The following DENND2B variants were observed in gnomAD, a reference collection of about 807,000 sequenced individuals.
DENND2B encodes DENN domain containing 2B.
A neutral mutation model predicts 116.0 loss-of-function variants in DENND2B; 32 were observed. The ratio of observed to expected loss-of-function variants is 0.28; its 90% CI spans 0.21 to 0.37. The LOEUF (loss-of-function observed/expected upper bound fraction) is 0.37. Among genes scored for constraint, DENND2B ranks in the 10% least tolerant of loss-of-function variants. The probability of loss-of-function intolerance (pLI) is 1.00; values close to 1 mark genes in which losing one functional copy is unlikely to be tolerated. For synonymous variants in DENND2B, 588 were observed against 583.9 expected, an observed-to-expected ratio of 1.01 and a Z score of -0.10; for missense variants, 1,276 against 1,477.7, an observed-to-expected ratio of 0.86 and a Z score of 2.24.
intron 2 of DENND2B, among the ~76,000 whole-genome samples, chr11:8,742,957 G>C (rs1164296645): frequency 3.3e-5 from 5 of 152,178 alleles, no homozygotes; most frequent in Non-Finnish European, 7.3e-5. Flanking sequence ...CCAGCTACTT[G>C]GGAGGCTGAG....
intron 2 of DENND2B, among the ~76,000 whole-genome samples, chr11:8,747,412 G>A (rs1371876272): frequency 6.6e-6 from 1 of 152,214 alleles, no homozygotes; most frequent in East Asian, 1.9e-4. Context: ...TACTGCAAAA[G>A]TGAAATCTCC....
chr11:8,899,155 A>C (rs180779402), intron 1 of DENND2B, among the ~76,000 whole-genome samples: 3,520 of 152,208 alleles, frequency 0.023, 48 homozygotes, highest in Middle Eastern at 0.034. Flanking sequence ...TAGAGATTAT[A>C]CAATTTGAAG....
At chr11:8,786,007 T>C (rs767750051) in intron 1 of DENND2B, among the ~76,000 whole-genome samples, 2 of 152,216 alleles carry the variant, frequency 1.3e-5, no homozygotes, top group Non-Finnish European at 2.9e-5. Context: ...ATTACAGAAC[T>C]CGGGGTCTTG....
intron 1 of DENND2B, chr11:8,809,264 A>G (rs1185300108): frequency 2.0e-5 from 3 of 152,260 alleles, no homozygotes; most frequent in Admixed American, 2.0e-4. Flanking sequence ...GGACATGGCC[A>G]GTGCTTGCAT....
chr11:8,879,879 A>G (rs978646963), intron 2 of DENND2B, among the ~76,000 whole-genome samples: 9 of 152,228 alleles, frequency 5.9e-5, no homozygotes, highest in Non-Finnish European at 1.2e-4. Flanking sequence ...GAATTCAAAT[A>G]AGCATTCTAA....
intron 1 of DENND2B, among the ~76,000 whole-genome samples, chr11:8,894,444 C>T (rs1169941258): frequency 6.6e-6 from 1 of 151,904 alleles, no homozygotes; most frequent in East Asian, 1.9e-4. Flanking sequence ...AAGAAACTAC[C>T]ATCAGAGTGA....
chr11:8,791,785 T>G (rs940892465), intron 1 of DENND2B, among the ~76,000 whole-genome samples: 15 of 151,696 alleles, frequency 9.9e-5, no homozygotes, highest in African/African-American at 3.4e-4. Context: ...AAGGAATATT[T>G]CTTTAATGTC....
chr11:8,844,478 A>G (rs1463918707), intron 3 of DENND2B, among the ~76,000 whole-genome samples: 1 of 152,196 alleles, frequency 6.6e-6, no homozygotes, highest in South Asian at 2.1e-4. Flanking sequence ...AAATGAATCT[A>G]AATGATCCAA....
At position 8,714,025 on chromosome 11, in the gene DENND2B, C is replaced by T; in HGVS notation, c.1960G>A (p.Glu654Lys). The T allele has an allele frequency of 6.2e-7, 1 of 1,614,062 alleles. No homozygotes were observed. The change falls in exon 8 of 20, where the codon GAG (glutamate) becomes AAG (lysine). Residue 654 changes from glutamate (E) to lysine (K), a missense_variant. By Grantham distance (56) the Glu-to-Lys change is moderately conservative. Transcript: ENST00000313726. ...ASLRDENSESESDSDDRFKAH... is the reference protein window; with the variant it reads ...ASLRDENSESKSDSDDRFKAH... ...TTGAACCTGTCATCAGAGTCGCTCTCGCTCTCACTGTTTTCATCTGGAAAA... is the reference window on the plus strand; with the variant it reads ...TTGAACCTGTCATCAGAGTCGCTCTTGCTCTCACTGTTTTCATCTGGAAAA...
intron 1 of DENND2B, among the ~76,000 whole-genome samples, chr11:8,886,405 G>A (rs1394512563): frequency 6.6e-6 from 1 of 151,936 alleles, no homozygotes; most frequent in Non-Finnish European, 1.5e-5. Flanking sequence ...CTTCTAAAAT[G>A]TAAAAAAGTT....
At chr11:8,696,400 A>G in intron 18 of DENND2B, 27 bp downstream of exon 18, 3 of 1,610,286 alleles carry the variant, frequency 1.9e-6, no homozygotes, top group Non-Finnish European at 2.5e-6. Flanking sequence ...AAAAAATTAG[A>G]GAAGAGAGCT....
At chr11:8,708,983 G>A (rs1004670538) in intron 11 of DENND2B, among the ~76,000 whole-genome samples, 1 of 152,014 alleles carries the variant, frequency 6.6e-6, no homozygotes, top group Non-Finnish European at 1.5e-5. Flanking sequence ...GGTAGCTAAA[G>A]GGGAGACATG....
intron 1 of DENND2B, among the ~76,000 whole-genome samples, chr11:8,889,347 C>A (rs1049851950): frequency 6.6e-6 from 1 of 152,226 alleles, no homozygotes; most frequent in Non-Finnish European, 1.5e-5. Flanking sequence ...TTCTGCATTT[C>A]CAACTGAGGT....
chr11:8,826,389 C>T (rs2061979519), intron 4 of DENND2B, among the ~76,000 whole-genome samples: 2 of 152,208 alleles, frequency 1.3e-5, no homozygotes, highest in Admixed American at 1.3e-4. Flanking sequence ...GATCTTTAAC[C>T]TCCTATACTA....
chr11:8,714,745 A>G (rs779729363), intron 6 of DENND2B, 39 bp from the exon 7 acceptor site: 2 of 1,559,330 alleles, frequency 1.3e-6, no homozygotes, highest in South Asian at 1.1e-5. Context: ...TAACCTTAAC[A>G]CCAGCTGCCC....
chr11:8,819,016 CATT>C lies in DENND2B; in HGVS notation c.-114-7684_-114-7682del, dbSNP rs528498208. On this transcript the variant is annotated intron_variant, in intron 4 of 6. Coordinates refer to the DENND2B transcript ENST00000524757. ...GAAGAACAAAGCCAGCTACTAACCTCATTATTACCAATCTCACTGATTAGATCA... is the reference window on the plus strand; with the variant it reads ...GAAGAACAAAGCCAGCTACTAACCTCATTACCAATCTCACTGATTAGATCA... 3.6e-4 allele frequency among the ~76,000 whole-genome samples: 55 copies of C among 152,300 alleles called. No individual in the cohort carries two copies. The Middle Eastern group carries it at 0.014, about 38-fold the overall frequency.
At chr11:8,853,638 T>C (rs1008377940) in intron 3 of DENND2B, among the ~76,000 whole-genome samples, 3 of 152,034 alleles carry the variant, frequency 2.0e-5, no homozygotes, top group Non-Finnish European at 4.4e-5. Flanking sequence ...AAAAAGTTAC[T>C]GAATTAGAAA....
At chr11:8,777,778 A>G (rs1392947187) in intron 1 of DENND2B, among the ~76,000 whole-genome samples, 5 of 152,222 alleles carry the variant, frequency 3.3e-5, no homozygotes, top group African/African-American at 1.2e-4. Flanking sequence ...AAAAGAGAGA[A>G]CACCTAACCC....
chr11:8,794,243 G>A (rs1428598969), intron 1 of DENND2B, among the ~76,000 whole-genome samples: 14 of 152,196 alleles, frequency 9.2e-5, no homozygotes, highest in Non-Finnish European at 1.5e-5. Context: ...CCCTAAATGG[G>A]CAGAGGTGAG....
Sources: gnomAD v4.1 joint callset for allele counts (sites outside exome capture counted in the v4.1 genomes callset) on GRCh38, gnomAD v4.1.1 for gene constraint, MANE v1.5 for transcripts, NCBI Gene and HGNC (gene_info 2026-07-23, HGNC 2026-07-21) for gene names.